DIP2C: variants seen among roughly 807,000 people sequenced by gnomAD.
DIP2C encodes DIP2 acetate--CoA ligase C (putative), also known as disco-interacting protein 2 homolog C.
A neutral mutation model predicts 192.4 loss-of-function variants in DIP2C; 33 were observed. The observed-to-expected ratio is 0.17, with a 90% CI of 0.13 to 0.23. The LOEUF (loss-of-function observed/expected upper bound fraction) is 0.23, where lower values mean the gene tolerates loss of function less well. Among genes scored for constraint, DIP2C ranks in the 10% least tolerant of loss-of-function variants. The pLI is 1.00. For synonymous variants in DIP2C, 979 were observed against 864.1 expected (o/e 1.13, Z -2.33); for missense variants, 1,537 against 2,110.1 (o/e 0.73, Z 5.32).
intron 17 of DIP2C, among the ~76,000 whole-genome samples, chr10:378,064 G>A (rs991113798): frequency 1.3e-5 from 2 of 152,140 alleles, no homozygotes; most frequent in Non-Finnish European, 2.9e-5. Flanking sequence ...CCAGGAAACA[G>A]TTTCCTGGTT....
At chr10:642,004 C>A (rs553483868) in intron 1 of DIP2C, among the ~76,000 whole-genome samples, 3 of 152,270 alleles carry the variant, frequency 2.0e-5, no homozygotes, top group Admixed American at 6.5e-5. Flanking sequence ...GCCTGGGCAA[C>A]AGGGCGAGAC....
chr10:665,424 G>C (rs188876054), intron 1 of DIP2C: 97 of 152,230 alleles, frequency 6.4e-4, no homozygotes, highest in African/African-American at 2.3e-3. Context: ...AGTTTTAATT[G>C]TGTGAGTCCA....
rs1857082659 is a variant in DIP2C at position 666,267 on chromosome 10, C to T, written c.85+23227G>A. The T allele has an allele frequency of 1.3e-5, 2 of 152,326 alleles. No individual in the cohort carries two copies. Among genetic ancestry groups the T allele is most frequent in the Admixed American group, 1.3e-4 (2 of 15,284 alleles). 9.4% of individuals were successfully genotyped at this position (152,326 alleles called of 1,614,324 possible). ...AGCAAAGGGCATCACTCCCTACCCA[C>T]GAAAGACTCACAACATCCCTGGAAA... On this transcript the variant is annotated intron_variant, in intron 1 of 36. Transcript: ENST00000280886. The surrounding 1 kb of genome is among the most constrained non-coding windows in gnomAD (Gnocchi z 4.1).
intron 1 of DIP2C, among the ~76,000 whole-genome samples, chr10:580,055 C>T (rs761901118): frequency 1.8e-4 from 28 of 152,184 alleles, no homozygotes; most frequent in African/African-American, 2.7e-4. Flanking sequence ...CACAGGTATA[C>T]TATAACCTGT....
intron 9 of DIP2C, among the ~76,000 whole-genome samples, chr10:402,791 T>C (rs1964537180): frequency 6.4e-5 from 1 of 15,554 alleles, no homozygotes; most frequent in African/African-American, 6.9e-5. Flanking sequence ...ACATGAATCC[T>C]GTGATTTTAC....
In DIP2C at chr10:362,687, A is replaced by C. The variant is rs1364041795; in HGVS notation, c.2597T>G (p.Ile866Ser). The change falls in exon 22 of 37, where the codon ATT becomes AGT. Residue 866 changes from isoleucine to serine, a missense_variant. Physicochemically the swap from Ile to Ser is moderately radical, Grantham distance 142 (BLOSUM62 -2). Around this residue, in one of 4 missense-constraint regions of DIP2C, gnomAD observed 677 missense variants for 989.9 expected, o/e 0.68. Coordinates refer to ENST00000280886, the MANE Select transcript of DIP2C (RefSeq NM_014974.3). Reference protein sequence around the residue: ...FQWMSRVLQAIDSIHQVGVYC... With the variant: ...FQWMSRVLQASDSIHQVGVYC... ...AACTCCAACTTGATGTATACTGTCA[A>C]TCGCCTAGAAAGTTAATAAAGAGGA... 1.2e-6 allele frequency: 2 copies of C among 1,605,684 alleles called. No individual in the cohort carries two copies. The highest frequency in any genetic ancestry group is 8.5e-7 in the Non-Finnish European group (1 of 1,175,418).
intron 8 of DIP2C, among the ~76,000 whole-genome samples, chr10:411,223 G>A (rs1226935683): frequency 1.3e-5 from 2 of 152,198 alleles, no homozygotes; most frequent in African/African-American, 4.8e-5. Flanking sequence ...ATGAGCATGA[G>A]CATCTCCTTG....
intron 15 of DIP2C, 121 bp from the exon 16 acceptor site, chr10:384,267 A>G (rs547328230): frequency 1.6e-4 from 153 of 982,092 alleles, no homozygotes; most frequent in Admixed American, 2.9e-4. Flanking sequence ...CAGCCCCCAC[A>G]AACCTTTTTT....
At chr10:446,343 G>C (rs780854403) in intron 3 of DIP2C, among the ~76,000 whole-genome samples, 26 of 151,160 alleles carry the variant, frequency 1.7e-4, no homozygotes, top group Non-Finnish European at 3.8e-4. Flanking sequence ...GTATACAACT[G>C]TTGTGAAGAG....
intron 1 of DIP2C, among the ~76,000 whole-genome samples, chr10:604,130 A>C (rs939845714): frequency 6.6e-6 from 1 of 150,788 alleles, no homozygotes; most frequent in South Asian, 2.1e-4. Context: ...GTGTGTGAGG[A>C]CACTGGACCC....
intron 28 of DIP2C, among the ~76,000 whole-genome samples, chr10:344,572 T>A (rs1401357554): frequency 6.6e-6 from 1 of 152,232 alleles, no homozygotes; most frequent in African/African-American, 2.4e-5. Flanking sequence ...TGTTCTACTG[T>A]CAGCTGAGAC....
At chr10:316,879 C>T (rs1956798575) in intron 31 of DIP2C, among the ~76,000 whole-genome samples, 1 of 152,132 alleles carries the variant, frequency 6.6e-6, no homozygotes, top group South Asian at 2.1e-4. Context: ...TCTCCTGGCT[C>T]CTCTGCCATG....
intron 32 of DIP2C, among the ~76,000 whole-genome samples, chr10:297,123 G>A (rs1290503198): frequency 1.3e-5 from 2 of 151,882 alleles, no homozygotes; most frequent in Admixed American, 1.3e-4. Flanking sequence ...GAACCGGGGA[G>A]GCAGAGGTTG....
chr10:654,756 G>A (rs1588691125), intron 1 of DIP2C, among the ~76,000 whole-genome samples: 1 of 152,140 alleles, frequency 6.6e-6, no homozygotes, highest in African/African-American at 2.4e-5. Context: ...ACTGAAGAAC[G>A]CTCTCCTGGT....
At chr10:639,573 A>C (rs1390040193) in intron 1 of DIP2C, among the ~76,000 whole-genome samples, 2 of 152,238 alleles carry the variant, frequency 1.3e-5, no homozygotes, top group African/African-American at 4.8e-5. Flanking sequence ...CCACGCTGGA[A>C]GCACTTTCTG....
rs1287942290 is a variant in DIP2C, at chr10:449,917, C to CAAAAAAAAAAA, written c.269-8922_269-8921insTTTTTTTTTTT. 4.4e-4 allele frequency among the ~76,000 whole-genome samples: 10 copies of CAAAAAAAAAAA among 22,566 alleles called. No individual in the cohort carries two copies. In the East Asian group the frequency reaches 6.3e-3, roughly 14 times the overall value. 14.8% of individuals were successfully genotyped at this position (22,566 alleles called of 152,430 possible). On this transcript the variant is annotated intron_variant, in intron 3 of 36. Transcript: ENST00000280886. Reference sequence around the variant, plus strand: ...CAAATAAAGATGTTTCAGTCAACAACAACAAAAAAAAAAAAAAAAGAAAAT... The same window carrying CAAAAAAAAAAA: ...CAAATAAAGATGTTTCAGTCAACAACAAAAAAAAAAAAACAAAAAAAAAAAAAAAAGAAAAT...
At chr10:628,363 A>G (rs1588634286) in intron 1 of DIP2C, among the ~76,000 whole-genome samples, 1 of 152,244 alleles carries the variant, frequency 6.6e-6, no homozygotes, top group East Asian at 1.9e-4. Context: ...AAATGTTTAC[A>G]TATCCAATTA....
At chr10:580,556 G>A (rs934676932) in intron 1 of DIP2C, among the ~76,000 whole-genome samples, 11 of 152,012 alleles carry the variant, frequency 7.2e-5, no homozygotes, top group Admixed American at 1.3e-4. Context: ...CCCATAGCAT[G>A]CACACATGTA....
chr10:441,871 C>T (rs1250308386), intron 3 of DIP2C, among the ~76,000 whole-genome samples: 5 of 150,640 alleles, frequency 3.3e-5, no homozygotes, highest in Admixed American at 2.0e-4. Flanking sequence ...GGGCTGGGAA[C>T]GCAGTGGTGA....
Sources: gnomAD v4.1 joint callset for allele counts (sites outside exome capture counted in the v4.1 genomes callset) on GRCh38, gnomAD v4.1.1 for gene constraint, gnomAD v4.1.1 regional missense constraint, Gnocchi (gnomAD v3.1) non-coding constraint, MANE v1.5 for transcripts, NCBI Gene and HGNC (gene_info 2026-07-23, HGNC 2026-07-21) for gene names.